The following MAP7 variants were observed in gnomAD, a reference collection of about 807,000 sequenced individuals.
MAP7 encodes ensconsin.
MAP7 carries 52 observed loss-of-function variants against 94.8 expected under a neutral mutation model. That is an observed-to-expected ratio of 0.55 (90% CI 0.44 to 0.69). The LOEUF (loss-of-function observed/expected upper bound fraction) is 0.69. Among genes scored for constraint, MAP7 ranks in the 30% least tolerant of loss-of-function variants. MAP7 has a pLI of 0.00. For synonymous variants in MAP7, 350 were observed against 357.0 expected, an observed-to-expected ratio of 0.98 and a Z score of 0.22; for missense variants, 940 against 964.6, an observed-to-expected ratio of 0.97 and a Z score of 0.34.
chr6:136,465,314 T>G (rs1205002788), intron 1 of MAP7, among the ~76,000 whole-genome samples: 2 of 152,230 alleles, frequency 1.3e-5, no homozygotes, highest in African/African-American at 4.8e-5. Context: ...ATTTTAAATT[T>G]CTTAATTGGA....
rs573497327 is a variant in MAP7, at chr6:136,516,795, G to C, written c.67+33547C>G. Among the ~76,000 whole-genome samples the C allele has an allele frequency of 8.5e-5, 13 of 152,192 alleles. No individual in the cohort carries two copies. The East Asian group carries it at 2.3e-3, about 27-fold the overall frequency. On this transcript the variant is annotated intron_variant, in intron 1 of 17. Transcript: ENST00000354570. ...AAGTCTTGGTGCTGAAAATAAGTAT[G>C]TGAAAATAAGCCTGCAAAAATAAGC...
chr6:136,490,552 A>C (rs1225914709), intron 1 of MAP7, among the ~76,000 whole-genome samples: 4 of 152,198 alleles, frequency 2.6e-5, no homozygotes, highest in Non-Finnish European at 5.9e-5. Context: ...ACTACAATTC[A>C]ATATTATCAA....
intron 1 of MAP7, among the ~76,000 whole-genome samples, chr6:136,535,710 T>C (rs1054220690): frequency 6.0e-4 from 89 of 148,856 alleles, no homozygotes; most frequent in Non-Finnish European, 1.1e-3. Context: ...GAAGCTTTTT[T>C]TTTCTTTTTT....
At chr6:136,485,966 C>T (rs1405648497) in intron 1 of MAP7, among the ~76,000 whole-genome samples, 1 of 151,868 alleles carries the variant, frequency 6.6e-6, no homozygotes, top group Non-Finnish European at 1.5e-5. Flanking sequence ...TGTGGACAAA[C>T]ATTTTTTTCT....
intron 1 of MAP7, among the ~76,000 whole-genome samples, chr6:136,468,335 G>A (rs140226547): frequency 5.9e-5 from 9 of 152,014 alleles, no homozygotes; most frequent in African/African-American, 2.2e-4. Context: ...CATATGAACT[G>A]GTCTAATCTC....
intron 11 of MAP7, among the ~76,000 whole-genome samples, chr6:136,361,585 C>G (rs955585454): frequency 2.6e-5 from 4 of 152,338 alleles, no homozygotes; most frequent in African/African-American, 7.2e-5. Context: ...AGGAGGAAGA[C>G]AGCCATGTAA....
intron 1 of MAP7, among the ~76,000 whole-genome samples, chr6:136,508,596 T>C (rs1822289864): frequency 6.6e-6 from 1 of 152,208 alleles, no homozygotes; most frequent in Non-Finnish European, 1.5e-5. Flanking sequence ...TGCCTGCTTC[T>C]CTTCAGTCAA....
intron 1 of MAP7, among the ~76,000 whole-genome samples, chr6:136,516,142 G>A (rs912597346): frequency 6.6e-6 from 1 of 151,412 alleles, no homozygotes; most frequent in Non-Finnish European, 1.5e-5. Flanking sequence ...CTTGGTCTGG[G>A]GACATCCTTA....
intron 16 of MAP7, among the ~76,000 whole-genome samples, chr6:136,353,015 A>C (rs895937833): frequency 3.3e-5 from 5 of 152,246 alleles, no homozygotes; most frequent in Admixed American, 2.6e-4. Flanking sequence ...TACATATCAC[A>C]AACTGTGTGT....
At chr6:136,510,278 G>C (rs573380875) in intron 1 of MAP7, among the ~76,000 whole-genome samples, 1 of 152,274 alleles carries the variant, frequency 6.6e-6, no homozygotes, top group South Asian at 2.1e-4. Flanking sequence ...GATGGTGAGA[G>C]GATAAGAAAG....
intron 1 of MAP7, among the ~76,000 whole-genome samples, chr6:136,489,243 A>C (rs1334494261): frequency 6.6e-6 from 1 of 152,132 alleles, no homozygotes; most frequent in Non-Finnish European, 1.5e-5. Context: ...TGCATGTTGT[A>C]CTGACAGGTA....
chr6:136,345,879 C>A lies in MAP7; in HGVS notation c.2216G>T (p.Gly739Val). 6.2e-7 allele frequency: 1 copy of A among 1,614,162 alleles called. No homozygotes were observed. Among genetic ancestry groups the A allele is most frequent in the Non-Finnish European group, 8.5e-7 (1 of 1,180,008 alleles). ...GTLGPLPQVD[G>V]VQTQQTAEVI ...ACCTGCAGTCTGCTGTGTCTGAACACCATCTACCTGAGGCAGGGGCCCAAG... is the reference window on the plus strand; with the variant it reads ...ACCTGCAGTCTGCTGTGTCTGAACAACATCTACCTGAGGCAGGGGCCCAAG... The change falls in exon 17 of 18, where the codon GGT (glycine) becomes GTT (valine). Residue 739 changes from glycine (G) to valine (V), a missense_variant. By Grantham distance (109) the Gly-to-Val change is moderately radical (BLOSUM62 -3). Transcript: ENST00000354570.
chr6:136,441,108 T>C (rs1347753303), intron 1 of MAP7, among the ~76,000 whole-genome samples: 4 of 152,216 alleles, frequency 2.6e-5, no homozygotes, highest in Admixed American at 2.6e-4. Context: ...TGAACACCGG[T>C]TGATTCTATA....
At position 136,531,441 on chromosome 6, in the gene MAP7, G is replaced by C. The variant is rs1238746889; in HGVS notation, c.67+18901C>G. Among the ~76,000 whole-genome samples, 2 of 144,522 alleles carry C rather than the reference G, an allele frequency of 1.4e-5. 1 individual carries two copies. The highest frequency in any genetic ancestry group is 5.8e-5 in the African/African-American group (2 of 34,642). The allele number at this position is 144,522 out of a possible 152,430, so 94.8% of individuals were successfully genotyped here. A position where few individuals can be genotyped will look rare whatever the true frequency, so the allele number is the denominator to read the frequency against. On this transcript the variant is annotated intron_variant, in intron 1 of 17. Transcript: ENST00000354570. ...GGTTCCTTGACTTGCTTTGCTTTAG[G>C]AGTAGTAAAATCATGTTAAAGATGA...
chr6:136,413,261 G>A (rs1021434537), intron 2 of MAP7, among the ~76,000 whole-genome samples: 1 of 152,192 alleles, frequency 6.6e-6, no homozygotes. Flanking sequence ...GGGTGCAGTG[G>A]CTCATGCCTC....
rs147100667 is a variant in MAP7 at position 136,371,938 on chromosome 6, C to T, written c.876+563G>A. ...CAGAATTTATAGCACAGCCTAACAG[C>T]CTTTTACGAATTAGTGATATAGCAA... On this transcript the variant is annotated intron_variant, in intron 8 of 17. Coordinates refer to ENST00000354570, the MANE Select transcript of MAP7 (RefSeq NM_003980.6). 3.9e-3 allele frequency among the ~76,000 whole-genome samples: 601 copies of T among 152,312 alleles called. 5 individuals carry two copies. Among genetic ancestry groups the T allele is most frequent in the African/African-American group, 0.014 (576 of 41,560 alleles).
intron 1 of MAP7, among the ~76,000 whole-genome samples, chr6:136,543,911 A>T (rs1829522129): frequency 6.6e-6 from 1 of 151,898 alleles, no homozygotes; most frequent in Non-Finnish European, 1.5e-5. Context: ...AAAATCCGTA[A>T]TTTTTTTTGC....
chr6:136,477,847 A>G (rs548496879), intron 1 of MAP7, among the ~76,000 whole-genome samples: 5 of 152,248 alleles, frequency 3.3e-5, no homozygotes, highest in Non-Finnish European at 7.3e-5. Context: ...CTATGGCTGC[A>G]GAATACACAT....
At chr6:136,547,513 A>G (rs1020243608) in intron 1 of MAP7, among the ~76,000 whole-genome samples, 6 of 152,320 alleles carry the variant, frequency 3.9e-5, no homozygotes, top group African/African-American at 1.4e-4. Flanking sequence ...GACTACTCAA[A>G]AAAGGCTGAA....
Sources: allele counts gnomAD v4.1 joint callset (sites outside exome capture counted in the v4.1 genomes callset), GRCh38; gene constraint gnomAD v4.1.1; transcripts MANE v1.5; gene names NCBI Gene and HGNC (gene_info 2026-07-23, HGNC 2026-07-21).